SYNE2: variants seen among roughly 807,000 people sequenced by gnomAD.
SYNE2 encodes the protein spectrin repeat containing nuclear envelope protein 2.
Under a neutral mutation model 856.3 loss-of-function variants are expected in SYNE2, and 431 were observed. That is an observed-to-expected ratio of 0.50 (90% CI 0.47 to 0.55). SYNE2 has a LOEUF of 0.55. Among genes scored for constraint, SYNE2 ranks in the 20% least tolerant of loss-of-function variants. The pLI is 0.00. For synonymous variants in SYNE2, 2,923 were observed against 2,872.3 expected, an observed-to-expected ratio of 1.02 and a Z score of -0.56; for missense variants, 8,129 against 8,023.2, an observed-to-expected ratio of 1.01 and a Z score of -0.50.
In SYNE2 at chr14:64,089,705, A is replaced by G; in HGVS notation, c.11793+9A>G. ...ATCTCAAACATGGGGAGGTAAGCATAGATTATTATTTAAAGTATTTTCTTA... is the reference window on the plus strand; with the variant it reads ...ATCTCAAACATGGGGAGGTAAGCATGGATTATTATTTAAAGTATTTTCTTA... On this transcript the variant is annotated intron_variant, in intron 59 of 115. Coordinates refer to ENST00000555002, the MANE Select transcript of SYNE2 (RefSeq NM_182914.3). 6.5e-7 allele frequency: 1 copy of G among 1,549,968 alleles called. No homozygotes were observed. Among genetic ancestry groups the G allele is most frequent in the Non-Finnish European group, 8.9e-7 (1 of 1,124,420 alleles).
intron 41 of SYNE2, 63 bp downstream of exon 41, chr14:64,025,484 G>C: frequency 1.3e-6 from 2 of 1,503,114 alleles, no homozygotes; most frequent in Admixed American, 3.5e-5. Context: ...AAGATTTAGA[G>C]GAAAACTGTA....
intron 1 of SYNE2, among the ~76,000 whole-genome samples, chr14:63,868,258 A>G (rs1004312664): frequency 2.0e-5 from 3 of 152,148 alleles, no homozygotes; most frequent in Non-Finnish European, 4.4e-5. Flanking sequence ...TTTCAAAACC[A>G]CAGTCAAAAA....
intron 1 of SYNE2, among the ~76,000 whole-genome samples, chr14:63,797,159 G>T (rs895821202): frequency 1.1e-4 from 17 of 151,740 alleles, no homozygotes; most frequent in Admixed American, 3.3e-4. Flanking sequence ...CACTTTGAGA[G>T]GCTGAGGTGG....
chr14:63,953,568 AG>A (rs2096199407), intron 7 of SYNE2, among the ~76,000 whole-genome samples: 1 of 152,274 alleles, frequency 6.6e-6, no homozygotes, highest in Middle Eastern at 3.4e-3. Flanking sequence ...ATAGATAGAT[AG>A]ATGTAGATAT....
chr14:63,829,377 A>G (rs1056795682), intron 1 of SYNE2, among the ~76,000 whole-genome samples: 1 of 152,110 alleles, frequency 6.6e-6, no homozygotes, highest in African/African-American at 2.4e-5. Context: ...TGGTCATGTC[A>G]CTGCACTCCA....
intron 100 of SYNE2, 94 bp downstream of exon 100, chr14:64,203,057 C>A: frequency 1.4e-6 from 2 of 1,473,534 alleles, no homozygotes; most frequent in Non-Finnish European, 1.9e-6. Flanking sequence ...TTTTCACGTG[C>A]TCACATTCCA....
intron 30 of SYNE2, among the ~76,000 whole-genome samples, chr14:64,004,470 C>T (rs908912015): frequency 1.3e-5 from 2 of 152,092 alleles, no homozygotes; most frequent in Non-Finnish European, 2.9e-5. Context: ...GCTGGGATTA[C>T]AGGCACGCGC....
chr14:64,129,759 T>G, intron 74 of SYNE2, 23 bp from the exon 75 acceptor site: 1 of 1,613,958 alleles, frequency 6.2e-7, no homozygotes, highest in East Asian at 2.2e-5. Flanking sequence ...GGGTTTTCTT[T>G]TCTTGTATTG....
In SYNE2 at chr14:64,027,704, C is replaced by G; in HGVS notation, c.6625C>G (p.Leu2209Val). 1 of 1,614,028 alleles carries G rather than the reference C, an allele frequency of 6.2e-7. No homozygotes were observed. Among genetic ancestry groups the G allele is most frequent in the Non-Finnish European group, 8.5e-7 (1 of 1,179,948 alleles). ...GGAGTTAAAATCTCAGGGAAACTAC[C>G]TCTTGGAGTGCACTAAAAATCCCAG... ...LKELKSQGNY[L>V]LECTKNPSFS... Residue 2209 changes from leucine to valine, a missense_variant, in exon 43 of 116, where the codon CTC (leucine) becomes GTC (valine). Leu to Val is a conservative substitution (Grantham distance 32, BLOSUM62 1). Around this residue, in one of 3 missense-constraint regions of SYNE2, gnomAD observed 297 missense variants for 380.9 expected, o/e 0.78. Transcript: ENST00000555002.
At chr14:64,166,289 C>T (rs1305015307) in intron 90 of SYNE2, among the ~76,000 whole-genome samples, 2 of 152,130 alleles carry the variant, frequency 1.3e-5, no homozygotes, top group African/African-American at 4.8e-5. Flanking sequence ...CTAGTTGCTA[C>T]AGAGACCATA....
At chr14:64,098,534 A>AG (rs2097695677) in intron 62 of SYNE2, 1 of 619,708 alleles carries the variant, frequency 1.6e-6, no homozygotes, top group East Asian at 2.8e-5. Flanking sequence ...GAAGGGGCAC[A>AG]GGGGGCCATG....
At chr14:64,221,291 A>G (rs2098692771) in intron 111 of SYNE2, among the ~76,000 whole-genome samples, 1 of 152,140 alleles carries the variant, frequency 6.6e-6, no homozygotes, top group Non-Finnish European at 1.5e-5. Flanking sequence ...TTGGCTGAGG[A>G]ATGCGTGTGG....
intron 1 of SYNE2, among the ~76,000 whole-genome samples, chr14:63,907,097 C>T (rs1483246557): frequency 6.6e-6 from 1 of 152,232 alleles, no homozygotes; most frequent in African/African-American, 2.4e-5. Context: ...CAGCTCCTGA[C>T]AGTCACATCC....
intron 1 of SYNE2, among the ~76,000 whole-genome samples, chr14:63,885,870 C>T (rs982796520): frequency 1.3e-5 from 2 of 152,272 alleles, no homozygotes; most frequent in East Asian, 1.9e-4. Context: ...CCAGGGTCAT[C>T]GAGATGAAGG....
intron 45 of SYNE2, among the ~76,000 whole-genome samples, chr14:64,042,470 G>T (rs2097156172): frequency 6.6e-6 from 1 of 152,184 alleles, no homozygotes; most frequent in Non-Finnish European, 1.5e-5. Flanking sequence ...GTTTGGCTGT[G>T]TCCCCACCCA....
At chr14:64,081,931 A>C (rs1412731011) in intron 57 of SYNE2, among the ~76,000 whole-genome samples, 1 of 152,212 alleles carries the variant, frequency 6.6e-6, no homozygotes, top group East Asian at 1.9e-4. Flanking sequence ...CTAAAAATAC[A>C]AAAAATTAGC....
intron 45 of SYNE2, among the ~76,000 whole-genome samples, chr14:64,047,156 T>A (rs1288204565): frequency 6.6e-6 from 1 of 151,804 alleles, no homozygotes; most frequent in Non-Finnish European, 1.5e-5. Flanking sequence ...TTTTACTGAG[T>A]GATGAAAATG....
Position 64,078,548 on chromosome 14 carries a change from T to C in SYNE2, c.11105T>C (p.Val3702Ala), listed in dbSNP as rs765809297. 3 of 1,613,996 alleles carry C rather than the reference T, an allele frequency of 1.9e-6. No individual in the cohort carries two copies. The highest frequency in any genetic ancestry group is 1.7e-5 in the Admixed American group (1 of 60,012). ...GAAATTAACAATGGGCTTCATAATGTTGAAAAGATGTTGCAGCAGAAAAGC... is the reference window on the plus strand; with the variant it reads ...GAAATTAACAATGGGCTTCATAATGCTGAAAAGATGTTGCAGCAGAAAAGC... ...IEEINNGLHNVEKMLQQKSKN... is the reference protein window; with the variant it reads ...IEEINNGLHNAEKMLQQKSKN... Residue 3702 changes from valine (V) to alanine (A), a missense_variant, in exon 55 of 116, where the codon GTT becomes GCT. By Grantham distance (64) the Val-to-Ala change is moderately conservative. This residue lies in a region of SYNE2 where 5,410 missense variants were observed against 5,284.8 expected (regional missense o/e 1.02). Transcript: ENST00000555002.
chr14:63,827,756 G>T lies in SYNE2; in HGVS notation c.-304-24745G>T, dbSNP rs376264368. Among the ~76,000 whole-genome samples, 19 of 151,474 alleles carry T rather than the reference G, an allele frequency of 1.3e-4. 2 individuals are homozygous for T. In the East Asian group the frequency reaches 2.9e-3, roughly 23 times the overall value. On this transcript the variant is annotated intron_variant, in intron 1 of 23. Transcript: ENST00000674003. Reference sequence around the variant, plus strand: ...TAAGCACAGTATTACACTCTCACAGGGGGAGAGCGGACTGATCTCAGCAAG... The same window carrying T: ...TAAGCACAGTATTACACTCTCACAGTGGGAGAGCGGACTGATCTCAGCAAG...
Sources: allele counts gnomAD v4.1 joint callset (sites outside exome capture counted in the v4.1 genomes callset), GRCh38; gene constraint gnomAD v4.1.1; regional missense constraint gnomAD v4.1.1; transcripts MANE v1.5; gene names NCBI Gene and HGNC (gene_info 2026-07-23, HGNC 2026-07-21).